NPIPB2: variants seen among roughly 807,000 people sequenced by gnomAD.
NPIPB2 encodes nuclear pore complex interacting protein family member B2.
NPIPB2 carries 27 observed loss-of-function variants against 30.8 expected under a neutral mutation model. That is an observed-to-expected ratio of 0.88 (90% CI 0.65 to 1.21). The LOEUF is 1.21. NPIPB2 is among the 50% of genes most tolerant of loss of function. The pLI, the probability that NPIPB2 is intolerant of heterozygous loss-of-function variation, is 0.00. For synonymous variants in NPIPB2, 147 were observed against 162.0 expected (o/e 0.91, Z 0.70); for missense variants, 440 against 446.2 (o/e 0.99, Z 0.13).
intron 1 of NPIPB2, among the ~76,000 whole-genome samples, chr16:11,975,600 G>A (rs970196304): frequency 1.3e-5 from 2 of 150,670 alleles, no homozygotes; most frequent in Admixed American, 1.3e-4. Context: ...TTTTGTTGTT[G>A]TTGTTGTTGA....
At chr16:11,970,769 C>T (rs2055230818) in intron 1 of NPIPB2, among the ~76,000 whole-genome samples, 1 of 151,896 alleles carries the variant, frequency 6.6e-6, no homozygotes, top group East Asian at 1.9e-4. Flanking sequence ...CTCCTGACCT[C>T]GTGATCTACC....
chr16:11,975,139 A>AC (rs1293095991), intron 1 of NPIPB2, among the ~76,000 whole-genome samples: 2 of 53,562 alleles, frequency 3.7e-5, no homozygotes, highest in African/African-American at 7.2e-5. Context: ...TCAATCCATC[A>AC]CCTTTTTTTT....
chr16:11,938,101 C>A (rs927145602), intron 1 of NPIPB2, among the ~76,000 whole-genome samples: 15 of 152,164 alleles, frequency 9.9e-5, no homozygotes, highest in African/African-American at 3.6e-4. Context: ...TCACTGCAAC[C>A]TCCAGCTCCT....
intron 1 of NPIPB2, among the ~76,000 whole-genome samples, chr16:11,955,146 G>C (rs1336470405): frequency 6.6e-6 from 1 of 151,914 alleles, no homozygotes; most frequent in Non-Finnish European, 1.5e-5. Context: ...TTGAGGCCAG[G>C]AGTCCGAGAC....
rs541012523 is a variant in NPIPB2, at chr16:11,969,448, G to A, written c.-584+7120C>T. Among the ~76,000 whole-genome samples the A allele has an allele frequency of 1.3e-3, 200 of 151,878 alleles. 2 individuals carry two copies. The highest frequency in any genetic ancestry group is 4.7e-3 in the African/African-American group (193 of 41,406). On this transcript the variant is annotated intron_variant, in intron 1 of 5. Transcript: ENST00000538896. ...ATTTTTGTATTTTTAGTAGAGACAG[G>A]GTTTCACCATCTTCGCCAGACTGGT...
At chr16:11,949,527 G>A (rs1286970609) in intron 1 of NPIPB2, among the ~76,000 whole-genome samples, 1 of 152,184 alleles carries the variant, frequency 6.6e-6, no homozygotes, top group Non-Finnish European at 1.5e-5. Context: ...ACAGGAATCC[G>A]AGAAGAACCC....
At chr16:11,958,756 T>C (rs1456387493) in intron 1 of NPIPB2, among the ~76,000 whole-genome samples, 1 of 151,684 alleles carries the variant, frequency 6.6e-6, no homozygotes, top group Non-Finnish European at 1.5e-5. Context: ...CAAAGTAAAA[T>C]AAGAAAGCCT....
Position 11,939,559 on chromosome 16 carries a change from CA to C in NPIPB2, c.64-1892del, listed in dbSNP as rs1186690178. Among the ~76,000 whole-genome samples the C allele has an allele frequency of 5.9e-3, 172 of 29,068 alleles. 1 individual carries two copies. The highest frequency in any genetic ancestry group is 0.017 in the African/African-American group (145 of 8,726). The allele number at this position is 29,068 out of a possible 152,430, so 19.1% of individuals were successfully genotyped here. On this transcript the variant is annotated intron_variant, in intron 1 of 7. Coordinates refer to ENST00000399147, the Ensembl canonical transcript of NPIPB2. Reference sequence around the variant, plus strand: ...TGGGTGACAGAGCGAGACTCTGTCTCAAAAAAAAAAAAAAAAAAAAAAATTA... The same window carrying C: ...TGGGTGACAGAGCGAGACTCTGTCTCAAAAAAAAAAAAAAAAAAAAAATTA...
intron 1 of NPIPB2, chr16:11,967,699 C>T (rs374377405): frequency 1.4e-5 from 22 of 1,614,036 alleles, no homozygotes; most frequent in African/African-American, 1.1e-4. Context: ...AAGAGCAAAC[C>T]GAAGGTCGAC....
intron 1 of NPIPB2, chr16:11,968,052 A>AG: frequency 3.8e-6 from 2 of 520,734 alleles, no homozygotes; most frequent in Non-Finnish European, 6.3e-6. Context: ...TCATGATTAA[A>AG]CTCTTTTTTT....
At chr16:11,948,964 ACT>A (rs1396253306) in intron 1 of NPIPB2, among the ~76,000 whole-genome samples, 1 of 151,380 alleles carries the variant, frequency 6.6e-6, no homozygotes, top group East Asian at 1.9e-4. Flanking sequence ...ATAGCAAGAC[ACT>A]GTCTCTACAA....
chr16:11,933,795 C>T, intron 3 of NPIPB2, 30 bp downstream of exon 3: 1 of 1,592,792 alleles, frequency 6.3e-7, no homozygotes, highest in African/African-American at 1.3e-5. Context: ...AACTCATTTC[C>T]ACACTATGGG....
intron 2 of NPIPB2, 91 bp from the exon 3 acceptor site, chr16:11,934,015 G>A (rs572700491): frequency 1.8e-5 from 17 of 959,752 alleles, no homozygotes; most frequent in South Asian, 9.6e-5. Flanking sequence ...GGTGGATCAC[G>A]GGGTCAGGAG....
At chr16:11,966,239 T>C in intron 1 of NPIPB2, 4 of 1,613,938 alleles carry the variant, frequency 2.5e-6, no homozygotes, top group Non-Finnish European at 3.4e-6. Flanking sequence ...TCTCTGGACC[T>C]GTTTGGGACT....
At chr16:11,945,193 TAAAC>T (rs761098643), upstream of NPIPB2, among the ~76,000 whole-genome samples, 83 of 150,902 alleles carry the variant, frequency 5.5e-4, 1 homozygote, top group East Asian at 0.015. Flanking sequence ...TCTGAAAAAA[TAAAC>T]AAACTAACAA....
upstream of NPIPB2, among the ~76,000 whole-genome samples, chr16:11,943,060 G>A (rs537126526): frequency 2.0e-4 from 31 of 152,362 alleles, no homozygotes; most frequent in East Asian, 1.3e-3. Flanking sequence ...GATGGCTCAC[G>A]CCTGTAATCC....
intron 1 of NPIPB2, among the ~76,000 whole-genome samples, chr16:11,963,148 G>A (rs565756255): frequency 4.6e-5 from 7 of 152,288 alleles, no homozygotes; most frequent in African/African-American, 1.4e-4. Context: ...GAGAGGCCAA[G>A]GCCGGTGGGT....
At chr16:11,944,874 G>A (rs1401870053), upstream of NPIPB2, among the ~76,000 whole-genome samples, 1 of 151,454 alleles carries the variant, frequency 6.6e-6, no homozygotes, top group Non-Finnish European at 1.5e-5. Context: ...AAACCTTGGA[G>A]ATGTGTTAAA....
intron 1 of NPIPB2, among the ~76,000 whole-genome samples, chr16:11,969,127 A>G (rs770545446): frequency 2.6e-5 from 4 of 151,942 alleles, no homozygotes; most frequent in Non-Finnish European, 4.4e-5. Context: ...TTGGCCTCCC[A>G]AAGTGTTGGG....
Sources: allele counts gnomAD v4.1 joint callset (sites outside exome capture counted in the v4.1 genomes callset), GRCh38; gene constraint gnomAD v4.1.1; transcripts MANE v1.5; gene names NCBI Gene and HGNC (gene_info 2026-07-23, HGNC 2026-07-21).